ZNF157: variants seen among roughly 807,000 people sequenced by gnomAD.
ZNF157 encodes the protein zinc finger protein 157, also known as zinc finger protein 22.
Under a neutral mutation model 9.4 loss-of-function variants are expected in ZNF157, and 8 were observed. That is an observed-to-expected ratio of 0.85 (90% confidence interval 0.50 to 1.53). The LOEUF is 1.53. Among genes scored for constraint, ZNF157 ranks in the 40% most tolerant of loss-of-function variants. ZNF157 has a pLI of 0.00. For synonymous variants in ZNF157, 120 were observed against 130.8 expected, an observed-to-expected ratio of 0.92 and a Z score of 0.56; for missense variants, 316 against 385.2, an observed-to-expected ratio of 0.82 and a Z score of 1.50.
intron 1 of ZNF157, among the ~76,000 whole-genome samples, chrX:47,376,700 G>A (rs1168217161): frequency 9.0e-6 from 1 of 111,595 alleles, no homozygotes; most frequent in African/African-American, 3.3e-5. Flanking sequence ...GAGTATTACT[G>A]TTACTCCTCA....
In ZNF157 at chrX:47,413,453, T is replaced by C. The variant is rs150349635; in HGVS notation, c.1380T>C (p.His460=). The C allele has an allele frequency of 6.4e-4, 776 of 1,210,475 alleles. 1 individual carries two copies. Among genetic ancestry groups the C allele is most frequent in the Non-Finnish European group, 6.6e-4 (594 of 895,332 alleles). ...AFYVKVRLIE[H]QRIHTGERPF... is the part of the protein sequence containing the mutation. The stretch of plus-strand genomic sequence containing the variant: ...ATGTGAAAGTACGCCTCATTGAACA[T>C]CAGCGAATTCACACAGGAGAGAGAC... The change falls in exon 4 of 4, where the codon CAT becomes CAC. Residue 460 remains histidine (H), a synonymous_variant. Coordinates refer to ENST00000377073, the MANE Select transcript of ZNF157 (RefSeq NM_003446.4).
At position 47,384,223 on chromosome X, in the gene ZNF157, G is replaced by A. The variant is rs978594447; in HGVS notation, c.72+13483G>A. ...CCACTGCACTCCAGTCTAGGTGACAGAGCGAGACAAAGTCTCAAATAAATA... is the reference window on the plus strand; with the variant it reads ...CCACTGCACTCCAGTCTAGGTGACAAAGCGAGACAAAGTCTCAAATAAATA... On this transcript the variant is annotated intron_variant, in intron 1 of 3. Coordinates refer to ENST00000377073, the MANE Select transcript of ZNF157 (RefSeq NM_003446.4). Among the ~76,000 whole-genome samples, 2 of 111,490 alleles carry A rather than the reference G, an allele frequency of 1.8e-5. 1 individual carries two copies. Among genetic ancestry groups the A allele is most frequent in the Non-Finnish European group, 3.8e-5 (2 of 53,170 alleles).
chrX:47,412,880 A>G lies in ZNF157; in HGVS notation c.807A>G (p.Thr269=). 4.9e-6 allele frequency: 6 copies of G among 1,212,212 alleles called. No individual in the cohort carries two copies. The African/African-American group carries it at 5.2e-5, about 10-fold the overall frequency. ...ATLTIHQRTH[T]GEKPYECSEC... is the part of the protein sequence containing the mutation. ...TCACGATTCATCAGAGAACTCACAC[A>G]GGGGAGAAACCCTATGAATGTAGTG... The change falls in exon 4 of 4, where the codon ACA becomes ACG. Residue 269 remains threonine, a synonymous_variant. Transcript: ENST00000377073.
At chrX:47,408,399 G>A (rs1052855937) in intron 1 of ZNF157, among the ~76,000 whole-genome samples, 5 of 110,591 alleles carry the variant, frequency 4.5e-5, no homozygotes, top group African/African-American at 1.3e-4. Context: ...GTGAGCCACC[G>A]TGCCCGGAGG....
chrX:47,385,287 T>C (rs2055876264), intron 1 of ZNF157, among the ~76,000 whole-genome samples: 1 of 111,534 alleles, frequency 9.0e-6, no homozygotes, highest in Non-Finnish European at 1.9e-5. Context: ...CTTCTCATCA[T>C]ATAAATTGGA....
chrX:47,407,178 C>T (rs2055949811), intron 1 of ZNF157, among the ~76,000 whole-genome samples: 1 of 112,374 alleles, frequency 8.9e-6, no homozygotes. Context: ...GCCAGCCTCA[C>T]GTTCTCTGGA....
At position 47,398,769 on chromosome X, in the gene ZNF157, C is replaced by T. The variant is rs184845628; in HGVS notation, c.73-11507C>T. ...CGATCTTGGTTCACTGCAACCCCTGCCTCCCAGGCCCAAGCGATTCTTCTG... is the reference window on the plus strand; with the variant it reads ...CGATCTTGGTTCACTGCAACCCCTGTCTCCCAGGCCCAAGCGATTCTTCTG... On this transcript the variant is annotated intron_variant, in intron 1 of 3. Transcript: ENST00000377073. Among the ~76,000 whole-genome samples the T allele has an allele frequency of 3.1e-4, 35 of 111,370 alleles. No individual in the cohort carries two copies. The East Asian group carries it at 6.8e-3, about 22-fold the overall frequency.
chrX:47,401,497 A>T (rs1045819492), intron 1 of ZNF157, among the ~76,000 whole-genome samples: 1 of 112,042 alleles, frequency 8.9e-6, no homozygotes, highest in African/African-American at 3.2e-5. Flanking sequence ...GATGTGGAAC[A>T]TGCATCCTGC....
intron 1 of ZNF157, among the ~76,000 whole-genome samples, chrX:47,404,446 T>G (rs2055940745): frequency 9.0e-6 from 1 of 110,498 alleles, no homozygotes; most frequent in African/African-American, 3.3e-5. Flanking sequence ...ATTACAGGCT[T>G]GAGCCACCGC....
At chrX:47,385,144 A>G (rs1304629255) in intron 1 of ZNF157, among the ~76,000 whole-genome samples, 1 of 111,944 alleles carries the variant, frequency 8.9e-6, no homozygotes, top group South Asian at 3.7e-4. Context: ...AAAGGATCCA[A>G]TTTAGGATTA....
chrX:47,399,995 CTTTTT>C (rs35568461), intron 1 of ZNF157, among the ~76,000 whole-genome samples: 1 of 72,672 alleles, frequency 1.4e-5, no homozygotes, highest in Non-Finnish European at 2.8e-5. Flanking sequence ...TTCTCTCTCT[CTTTTT>C]TTTTTTTTTT....
chrX:47,393,931 G>A (rs770140629), intron 1 of ZNF157, among the ~76,000 whole-genome samples: 27 of 107,522 alleles, frequency 2.5e-4, no homozygotes, highest in African/African-American at 8.1e-4. Flanking sequence ...TTGTAGAGAC[G>A]GGGTCTCACT....
At chrX:47,394,794 C>T (rs2055908356) in intron 1 of ZNF157, among the ~76,000 whole-genome samples, 2 of 111,238 alleles carry the variant, frequency 1.8e-5, no homozygotes, top group African/African-American at 6.5e-5. Context: ...TCTGAGCCCT[C>T]CTCAGCAGTG....
At chrX:47,374,553 C>T (rs949054427) in intron 1 of ZNF157, among the ~76,000 whole-genome samples, 1 of 107,158 alleles carries the variant, frequency 9.3e-6, no homozygotes, top group African/African-American at 3.4e-5. Context: ...CACCCAACAC[C>T]ATACCCTGCT....
At chrX:47,383,516 C>T (rs916321351) in intron 1 of ZNF157, among the ~76,000 whole-genome samples, 1 of 103,429 alleles carries the variant, frequency 9.7e-6, no homozygotes, top group Admixed American at 1.1e-4. Context: ...GGCAACATAG[C>T]GAAATCCCAT....
chrX:47,377,531 G>T (rs1198789597), intron 1 of ZNF157, among the ~76,000 whole-genome samples: 1 of 109,720 alleles, frequency 9.1e-6, no homozygotes, highest in African/African-American at 3.3e-5. Flanking sequence ...CCAGGTTCAG[G>T]TGATTCTCCC....
At chrX:47,379,326 A>G (rs2147401338) in intron 1 of ZNF157, among the ~76,000 whole-genome samples, 1 of 110,117 alleles carries the variant, frequency 9.1e-6, no homozygotes, top group African/African-American at 3.3e-5. Context: ...ACCAAACCCA[A>G]GGTTACTTGG....
At chrX:47,404,829 G>A in intron 1 of ZNF157, among the ~76,000 whole-genome samples, 1 of 109,204 alleles carries the variant, frequency 9.2e-6, no homozygotes, top group Non-Finnish European at 1.9e-5. Context: ...TTTTATTTTA[G>A]GTTTCGGGTA....
rs771006233 is a variant in ZNF157, at chrX:47,412,885, A to G, written c.812A>G (p.Glu271Gly). Residue 271 changes from glutamate (E) to glycine (G), a missense_variant, in exon 4 of 4, where the codon GAG becomes GGG. By Grantham distance (98) the Glu-to-Gly change is moderately conservative (BLOSUM62 -2). Transcript: ENST00000377073. ...LTIHQRTHTG[E>G]KPYECSECGK... ...ATTCATCAGAGAACTCACACAGGGG[A>G]GAAACCCTATGAATGTAGTGAATGT... is the stretch of plus-strand genomic sequence containing the variant. 1 of 1,212,194 alleles carries G rather than the reference A, an allele frequency of 8.2e-7. No individual in the cohort carries two copies. The highest frequency in any genetic ancestry group is 1.8e-5 in the South Asian group (1 of 56,996).
Sources: allele counts gnomAD v4.1 joint callset (sites outside exome capture counted in the v4.1 genomes callset), GRCh38; gene constraint gnomAD v4.1.1; transcripts MANE v1.5; gene names NCBI Gene and HGNC (gene_info 2026-07-23, HGNC 2026-07-21).